Variants in DCDC1 observed in about 807,000 individuals in gnomAD.
DCDC1 encodes the protein doublecortin domain containing 1, also known as doublecortin domain-containing protein 1.
A neutral mutation model predicts 178.3 loss-of-function variants in DCDC1; 200 were observed. That is an observed-to-expected ratio of 1.12 (90% CI 1.00 to 1.26). The LOEUF (loss-of-function observed/expected upper bound fraction) is 1.26, where lower values mean the gene tolerates loss of function less well. Among genes scored for constraint, DCDC1 ranks in the 50% most tolerant of loss-of-function variants. The probability of loss-of-function intolerance (pLI) is 0.00; values close to 1 mark genes in which losing one functional copy is unlikely to be tolerated. For missense variants in DCDC1, 1,983 were observed against 1,749.2 expected (o/e 1.13, Z -2.38); for synonymous variants, 690 against 604.8 (o/e 1.14, Z -2.07).
intron 9 of DCDC1, among the ~76,000 whole-genome samples, chr11:31,213,764 A>ACATGTAGCCGGG (rs1973163445): frequency 6.6e-6 from 1 of 151,992 alleles, no homozygotes; most frequent in Non-Finnish European, 1.5e-5. Flanking sequence ...ACTACTTTTG[A>ACATGTAGCCGGG]CATGTAAAGA....
chr11:31,265,921 A>C (rs969211911), intron 7 of DCDC1, among the ~76,000 whole-genome samples: 2 of 148,930 alleles, frequency 1.3e-5, no homozygotes, highest in South Asian at 4.2e-4. Context: ...TTATCTATTA[A>C]ATATCTATTA....
rs145468825 is a variant in DCDC1 at position 31,342,332 on chromosome 11, T to C, written c.-124-6768A>G. ...GATCACGTGTTTCTCTTGCACTTTC[T>C]AACTATGTGGCCTTAAGTATCATGA... is the stretch of plus-strand genomic sequence containing the variant. On this transcript the variant is annotated intron_variant, in intron 1 of 38. Coordinates refer to ENST00000684477, the MANE Select transcript of DCDC1 (RefSeq NM_001387274.1). Among the ~76,000 whole-genome samples the C allele has an allele frequency of 3.1e-3, 474 of 152,354 alleles. 3 individuals are homozygous for C. Among genetic ancestry groups the C allele is most frequent in the Non-Finnish European group, 5.5e-3 (371 of 68,034 alleles).
intron 9 of DCDC1, among the ~76,000 whole-genome samples, chr11:31,194,376 T>C (rs1970444676): frequency 6.6e-6 from 1 of 152,122 alleles, no homozygotes. Flanking sequence ...TGGAGTTATT[T>C]TTTTCTGATT....
intron 9 of DCDC1, among the ~76,000 whole-genome samples, chr11:31,154,128 G>A (rs552306525): frequency 4.6e-4 from 70 of 152,204 alleles, no homozygotes; most frequent in Middle Eastern, 6.8e-3. Context: ...CTCCTGCTCC[G>A]GCATGTGAAG....
chr11:31,288,857 C>T (rs182992443), intron 7 of DCDC1, among the ~76,000 whole-genome samples: 87 of 151,844 alleles, frequency 5.7e-4, no homozygotes, highest in East Asian at 4.4e-3. Flanking sequence ...AATTAGCAAG[C>T]CTTATTTTTC....
At chr11:31,028,475 C>G (rs934067575) in intron 20 of DCDC1, among the ~76,000 whole-genome samples, 3 of 151,942 alleles carry the variant, frequency 2.0e-5, no homozygotes, top group Admixed American at 2.0e-4. Flanking sequence ...ATCTTTTTTA[C>G]TGCAATTTCA....
rs1186241838 is a variant in DCDC1 at position 31,341,214 on chromosome 11, C to T, written c.-124-5650G>A. 1.2e-4 allele frequency among the ~76,000 whole-genome samples: 18 copies of T among 152,200 alleles called. No individual in the cohort carries two copies. The East Asian group carries it at 3.5e-3, about 29-fold the overall frequency. The stretch of plus-strand genomic sequence containing the variant: ...TATGTGCATTTCAAGACAAAGTTCT[C>T]CAGAAACTTCTTTCACAGGTAGGGA... On this transcript the variant is annotated intron_variant, in intron 1 of 38. Coordinates refer to ENST00000684477, the MANE Select transcript of DCDC1 (RefSeq NM_001387274.1).
At chr11:31,256,178 C>A (rs1176971543) in intron 8 of DCDC1, among the ~76,000 whole-genome samples, 3 of 152,186 alleles carry the variant, frequency 2.0e-5, no homozygotes, top group African/African-American at 7.2e-5. Context: ...TTCCATTGAT[C>A]TATATGCCTA....
At chr11:31,268,847 C>T (rs905056212) in intron 7 of DCDC1, among the ~76,000 whole-genome samples, 2 of 152,134 alleles carry the variant, frequency 1.3e-5, no homozygotes, top group African/African-American at 4.8e-5. Flanking sequence ...AGTGTATAAG[C>T]GTTCCTTTTC....
At chr11:30,948,237 G>A (rs756758591) in intron 21 of DCDC1, among the ~76,000 whole-genome samples, 10 of 152,022 alleles carry the variant, frequency 6.6e-5, no homozygotes, top group East Asian at 1.9e-4. Context: ...CAAATAATGC[G>A]TGAACTCCCA....
chr11:31,293,372 T>G (rs1193345588), intron 6 of DCDC1, among the ~76,000 whole-genome samples: 1 of 151,894 alleles, frequency 6.6e-6, no homozygotes, highest in African/African-American at 2.4e-5. Flanking sequence ...AAGAAACCAC[T>G]CCCACTAAGG....
intron 9 of DCDC1, among the ~76,000 whole-genome samples, chr11:31,232,980 C>T (rs555986370): frequency 3.6e-4 from 54 of 151,600 alleles, no homozygotes; most frequent in Non-Finnish European, 1.8e-4. Flanking sequence ...GCCAGCTACT[C>T]GGGAGGCTGA....
At chr11:30,883,551 C>CT in intron 36 of DCDC1, 1 of 397,026 alleles carries the variant, frequency 2.5e-6, no homozygotes, top group Non-Finnish European at 5.1e-6. Context: ...AACAATATGA[C>CT]TAAGATTTAA....
chr11:31,181,996 T>C (rs1307219644), intron 9 of DCDC1, among the ~76,000 whole-genome samples: 3 of 152,052 alleles, frequency 2.0e-5, no homozygotes, highest in East Asian at 1.9e-4. Flanking sequence ...ATATGAGACA[T>C]TGAAGATCAA....
chr11:31,039,751 G>T (rs12270347), intron 20 of DCDC1, among the ~76,000 whole-genome samples: 1 of 152,082 alleles, frequency 6.6e-6, no homozygotes, highest in Non-Finnish European at 1.5e-5. Context: ...TACAGAAGCT[G>T]ACTGAAAATT....
chr11:31,341,432 T>TAGAC (rs1950542396), intron 1 of DCDC1, among the ~76,000 whole-genome samples: 4 of 139,536 alleles, frequency 2.9e-5, no homozygotes, highest in East Asian at 2.1e-4. Context: ...GATAGATAGA[T>TAGAC]AGATAGACAT....
intron 9 of DCDC1, among the ~76,000 whole-genome samples, chr11:31,217,902 T>C (rs1973778110): frequency 6.6e-6 from 1 of 152,130 alleles, no homozygotes; most frequent in Admixed American, 6.5e-5. Context: ...GTGTACTCTA[T>C]ATCTCTGCCC....
intron 24 of DCDC1, among the ~76,000 whole-genome samples, chr11:30,921,821 A>T (rs1266617971): frequency 6.6e-6 from 1 of 152,136 alleles, no homozygotes; most frequent in East Asian, 1.9e-4. Flanking sequence ...GTGAACTGGG[A>T]TCTGGTTTCT....
chr11:31,361,642 G>A (rs537704932), intron 1 of DCDC1, among the ~76,000 whole-genome samples: 9 of 152,050 alleles, frequency 5.9e-5, no homozygotes, highest in East Asian at 3.9e-4. Flanking sequence ...CACCACACCC[G>A]GCTAATTTTT....
Sources: allele counts gnomAD v4.1 joint callset (sites outside exome capture counted in the v4.1 genomes callset), GRCh38; gene constraint gnomAD v4.1.1; transcripts MANE v1.5; gene names NCBI Gene and HGNC (gene_info 2026-07-23, HGNC 2026-07-21).